Variants in PIN4 observed in about 807,000 individuals in gnomAD.
PIN4 encodes the protein peptidylprolyl cis/trans isomerase, NIMA-interacting 4.
In PIN4, 3 loss-of-function variants were observed where a neutral mutation model predicts 8.3. The ratio of observed to expected loss-of-function variants is 0.36; its 90% CI spans 0.16 to 0.93. The LOEUF (loss-of-function observed/expected upper bound fraction) is 0.93, where lower values mean the gene tolerates loss of function less well. PIN4 is among the 40% of genes least tolerant of loss of function. PIN4 has a pLI of 0.44. For synonymous variants in PIN4, 18 were observed against 32.5 expected, an observed-to-expected ratio of 0.55 and a Z score of 1.52; for missense variants, 75 against 100.6, an observed-to-expected ratio of 0.75 and a Z score of 1.09.
chrX:72,208,498 C>T lies in PIN4; in HGVS notation c.312+11594C>T, dbSNP rs140278755. The T allele has an allele frequency of 6.7e-4, 809 of 1,209,941 alleles. 8 individuals carry two copies. The African/African-American group carries it at 0.011, about 17-fold the overall frequency. On this transcript the variant is annotated intron_variant, in intron 3 of 3. Coordinates refer to the PIN4 transcript ENST00000423432. ...CTCAAAGAGTTGGTTGTGCAGTTCT[C>T]GATAAAGTAGCAAGCCAGAGTTGCA... is the stretch of plus-strand genomic sequence containing the variant.
intron 1 of PIN4, among the ~76,000 whole-genome samples, chrX:72,183,603 A>G (rs1273918146): frequency 8.9e-6 from 1 of 111,935 alleles, no homozygotes; most frequent in Non-Finnish European, 1.9e-5. Context: ...GTTTCAGTGA[A>G]ACAGAAGCCA....
chrX:72,225,699 C>G (rs955015927), intron 3 of PIN4, among the ~76,000 whole-genome samples: 10 of 111,705 alleles, frequency 9.0e-5, no homozygotes, highest in Non-Finnish European at 1.3e-4. Flanking sequence ...TCTTGACCAA[C>G]CACTCACTCC....
downstream of PIN4, among the ~76,000 whole-genome samples, chrX:72,201,823 A>G (rs2042791145): frequency 8.9e-6 from 1 of 112,925 alleles, no homozygotes; most frequent in African/African-American, 3.2e-5. Context: ...GAGGATGTCC[A>G]GGTTCTTGGC....
chrX:72,200,130 C>T (rs1339356521), downstream of PIN4, among the ~76,000 whole-genome samples: 4 of 104,987 alleles, frequency 3.8e-5, no homozygotes, highest in African/African-American at 1.4e-4. Context: ...TGCGCCACTG[C>T]ACTCCAGTCT....
chrX:72,212,134 G>A (rs1056729657), intron 3 of PIN4, among the ~76,000 whole-genome samples: 4 of 110,298 alleles, frequency 3.6e-5, no homozygotes, highest in Non-Finnish European at 5.7e-5. Flanking sequence ...AAAATTAGCC[G>A]GGCATGGTGG....
At chrX:72,254,260 T>C (rs958597510) in intron 3 of PIN4, among the ~76,000 whole-genome samples, 1 of 111,868 alleles carries the variant, frequency 8.9e-6, no homozygotes, top group Non-Finnish European at 1.9e-5. Context: ...GCTGTCCCCT[T>C]GGCCAGTAAC....
At chrX:72,259,804 C>T (rs935025015) in intron 3 of PIN4, among the ~76,000 whole-genome samples, 6 of 100,802 alleles carry the variant, frequency 6.0e-5, no homozygotes, top group Non-Finnish European at 1.2e-4. Context: ...AATCTTGGCT[C>T]ACCGCAACCT....
chrX:72,204,797 T>A (rs1165161820), intron 3 of PIN4: 6 of 276,852 alleles, frequency 2.2e-5, no homozygotes, highest in Non-Finnish European at 3.8e-5. Context: ...ATTTATAGAA[T>A]ATGCCTAAAA....
intron 3 of PIN4, among the ~76,000 whole-genome samples, chrX:72,203,533 G>A (rs1278118938): frequency 9.0e-6 from 1 of 111,723 alleles, no homozygotes; most frequent in Non-Finnish European, 1.9e-5. Flanking sequence ...AAACAGAATC[G>A]TAGGACACCA....
intron 3 of PIN4, among the ~76,000 whole-genome samples, chrX:72,204,107 C>G (rs977474007): frequency 1.8e-5 from 2 of 112,112 alleles, no homozygotes; most frequent in Admixed American, 1.9e-4. Flanking sequence ...TTCTGCTGTT[C>G]CAGTTTAGTA....
chrX:72,199,939 G>C (rs1260860319), downstream of PIN4, among the ~76,000 whole-genome samples: 1 of 111,984 alleles, frequency 8.9e-6, no homozygotes, highest in Non-Finnish European at 1.9e-5. Flanking sequence ...GCCGAGGTGG[G>C]TGGATCACTT....
chrX:72,189,139 T>G (rs1171815164), intron 2 of PIN4, among the ~76,000 whole-genome samples: 1 of 110,451 alleles, frequency 9.1e-6, no homozygotes, highest in Non-Finnish European at 1.9e-5. Flanking sequence ...CACTCCAACC[T>G]GGGCAACAGA....
intron 3 of PIN4, among the ~76,000 whole-genome samples, chrX:72,260,919 CA>C (rs764126972): frequency 2.6e-4 from 29 of 112,119 alleles, no homozygotes; most frequent in Non-Finnish European, 5.1e-4. Context: ...AAGTAAAAGG[CA>C]AAAGCCTTCC....
exon 4 of PIN4, chrX:72,263,607 A>T (rs1228184171): frequency 8.9e-6 from 1 of 112,281 alleles, no homozygotes; most frequent in African/African-American, 3.2e-5. Context: ...TTGATTCTAC[A>T]GGCAGTGATT....
intron 3 of PIN4, among the ~76,000 whole-genome samples, chrX:72,210,059 C>T (rs1442850571): frequency 9.2e-6 from 1 of 108,430 alleles, no homozygotes; most frequent in Non-Finnish European, 1.9e-5. Context: ...CACAAGCAAC[C>T]AGAGGGGGGG....
chrX:72,196,533 CA>C (rs11284819), intron 2 of PIN4, among the ~76,000 whole-genome samples: 40,548 of 89,635 alleles, frequency 0.45, 8,323 homozygotes, highest in East Asian at 0.98. Flanking sequence ...GACTCCTTCT[CA>C]AAAAAAAAAA....
intron 3 of PIN4, among the ~76,000 whole-genome samples, chrX:72,218,754 G>T (rs2042902364): frequency 8.9e-6 from 1 of 111,888 alleles, no homozygotes; most frequent in African/African-American, 3.2e-5. Flanking sequence ...GATTTTCTTA[G>T]ATGTGGCATT....
chrX:72,182,748 T>C (rs769995126), intron 1 of PIN4, among the ~76,000 whole-genome samples: 65 of 111,002 alleles, frequency 5.9e-4, no homozygotes, highest in Non-Finnish European at 1.0e-3. Context: ...AAGATGTGCA[T>C]TGAGGGTAGG....
intron 3 of PIN4, chrX:72,238,727 G>A: frequency 3.2e-6 from 2 of 629,514 alleles, no homozygotes; most frequent in Admixed American, 6.7e-5. Context: ...GAGCGCGAGC[G>A]CGCGTCTCAA....
Sources: allele counts gnomAD v4.1 joint callset (sites outside exome capture counted in the v4.1 genomes callset), GRCh38; gene constraint gnomAD v4.1.1; transcripts MANE v1.5; gene names NCBI Gene and HGNC (gene_info 2026-07-23, HGNC 2026-07-21).